PIN4: variants seen among roughly 807,000 people sequenced by gnomAD.
PIN4 encodes the protein peptidyl-prolyl cis-trans isomerase NIMA-interacting 4.
In PIN4, 3 loss-of-function variants were observed where a neutral mutation model predicts 8.3. That is an observed-to-expected ratio of 0.36 (90% CI 0.16 to 0.93). The LOEUF (loss-of-function observed/expected upper bound fraction) is 0.93. PIN4 is among the 40% of genes least tolerant of loss of function. The pLI, the probability that PIN4 is intolerant of heterozygous loss-of-function variation, is 0.44. For missense variants in PIN4, 75 were observed against 100.6 expected, an observed-to-expected ratio of 0.75 and a Z score of 1.09; for synonymous variants, 18 against 32.5, an observed-to-expected ratio of 0.55 and a Z score of 1.52.
chrX:72,246,535 T>C (rs1425986673), intron 3 of PIN4, among the ~76,000 whole-genome samples: 4 of 111,780 alleles, frequency 3.6e-5, no homozygotes, highest in Non-Finnish European at 7.5e-5. Context: ...AAGTCCTGCC[T>C]CCTTACCATG....
In PIN4 at chrX:72,197,761, A is replaced by G; in HGVS notation, c.*235A>G. The G allele has an allele frequency of 1.1e-6, 1 of 914,704 alleles. No homozygotes were observed. The highest frequency in any genetic ancestry group is 1.4e-6 in the Non-Finnish European group (1 of 737,525). The allele number at this position is 914,704 out of a possible 1,213,427, so 75.4% of individuals were successfully genotyped here. Reference sequence around the variant, plus strand: ...GTCAGTCTTTCTCAAAGAGAAGTCAAGCAGACTCCCTTTAACCTGTATTCT... The same window carrying G: ...GTCAGTCTTTCTCAAAGAGAAGTCAGGCAGACTCCCTTTAACCTGTATTCT... On this transcript the variant is annotated 3_prime_UTR_variant, in exon 4 of 4. Transcript: ENST00000373669.
At chrX:72,251,232 G>A (rs113866612) in intron 3 of PIN4, among the ~76,000 whole-genome samples, 48,812 of 104,299 alleles carry the variant, frequency 0.47, 12,051 homozygotes, top group East Asian at 0.98. Flanking sequence ...GCGTGGTGGC[G>A]GGCGCCTGTA....
rs868253824 is a variant in PIN4 at position 72,224,479 on chromosome X, G to T, written c.312+27575G>T. On this transcript the variant is annotated intron_variant, in intron 3 of 3. Transcript: ENST00000423432. The stretch of plus-strand genomic sequence containing the variant: ...AATAGACTTAAAACCCAAATTCCTG[G>T]CTCACGCCTGTAATCACAGCACTTT... Among the ~76,000 whole-genome samples the T allele has an allele frequency of 2.7e-4, 30 of 111,499 alleles. 1 individual carries two copies. The Middle Eastern group carries it at 0.014, about 52-fold the overall frequency.
chrX:72,188,230 C>G (rs1327316716), intron 2 of PIN4, among the ~76,000 whole-genome samples: 1 of 112,685 alleles, frequency 8.9e-6, no homozygotes, highest in Non-Finnish European at 1.9e-5. Context: ...ACATGCTGGT[C>G]TCCCATATGA....
At chrX:72,232,765 G>A (rs186651377) in intron 3 of PIN4, among the ~76,000 whole-genome samples, 41 of 111,648 alleles carry the variant, frequency 3.7e-4, no homozygotes, top group Non-Finnish European at 6.6e-4. Flanking sequence ...AGCTGAGATC[G>A]CGTCATTGTA....
At chrX:72,183,217 T>C (rs1188883731) in intron 1 of PIN4, among the ~76,000 whole-genome samples, 1 of 111,266 alleles carries the variant, frequency 9.0e-6, no homozygotes, top group Non-Finnish European at 1.9e-5. Context: ...GATTGATGAA[T>C]TCACTTTCAG....
intron 3 of PIN4, among the ~76,000 whole-genome samples, chrX:72,226,568 A>G (rs2042955073): frequency 1.8e-5 from 2 of 112,159 alleles, no homozygotes; most frequent in Admixed American, 1.9e-4. Flanking sequence ...TGGAAAACTC[A>G]TCACTTACTA....
chrX:72,245,114 G>C (rs1356500941), intron 3 of PIN4, among the ~76,000 whole-genome samples: 2 of 104,104 alleles, frequency 1.9e-5, no homozygotes, highest in Non-Finnish European at 3.9e-5. Context: ...GCCGAGAGTG[G>C]GTTTGGGGCA....
intron 3 of PIN4, chrX:72,238,822 C>T (rs1336208464): frequency 6.8e-6 from 8 of 1,174,583 alleles, no homozygotes; most frequent in South Asian, 1.9e-5. Context: ...TTAGCTAGAC[C>T]CGCCCAGCGG....
intron 2 of PIN4, among the ~76,000 whole-genome samples, chrX:72,191,629 T>G (rs59547163): frequency 9.0e-6 from 1 of 111,567 alleles, no homozygotes; most frequent in Non-Finnish European, 1.9e-5. Context: ...AACACTCATC[T>G]AGTCTCACAG....
At position 72,248,042 on chromosome X, in the gene PIN4, C is replaced by T. The variant is rs768655507; in HGVS notation, c.313-14665C>T. ...GCTAATTTATGCCAGGAACTTTCCC[C>T]ACAACAAACAAGATGTTCTCTTGTA... On this transcript the variant is annotated intron_variant, in intron 3 of 3. Coordinates refer to the PIN4 transcript ENST00000423432. 4.5e-5 allele frequency among the ~76,000 whole-genome samples: 5 copies of T among 110,736 alleles called. No individual in the cohort carries two copies. The South Asian group carries it at 1.9e-3, about 43-fold the overall frequency.
chrX:72,202,004 G>A (rs2042791853), downstream of PIN4, among the ~76,000 whole-genome samples: 2 of 112,833 alleles, frequency 1.8e-5, no homozygotes, highest in Non-Finnish European at 3.7e-5. Flanking sequence ...TATACCCTGT[G>A]TAAATGGAAA....
intron 3 of PIN4, among the ~76,000 whole-genome samples, chrX:72,258,417 C>T (rs377025188): frequency 8.9e-6 from 1 of 112,391 alleles, no homozygotes; most frequent in African/African-American, 3.2e-5. Context: ...CACAGCCACA[C>T]GCACACTGAT....
intron 3 of PIN4, among the ~76,000 whole-genome samples, chrX:72,234,765 G>A (rs1453311393): frequency 1.8e-5 from 2 of 111,337 alleles, no homozygotes. Flanking sequence ...CTGGGAAGTA[G>A]GTTGATATGG....
chrX:72,182,029 G>T, intron 1 of PIN4: 1 of 442,965 alleles, frequency 2.3e-6, no homozygotes, highest in Non-Finnish European at 4.1e-6. Context: ...GATGGGGATA[G>T]TTCCTCGGAG....
chrX:72,219,729 A>C (rs1018137056), intron 3 of PIN4, among the ~76,000 whole-genome samples: 2 of 108,899 alleles, frequency 1.8e-5, no homozygotes, highest in Non-Finnish European at 3.8e-5. Flanking sequence ...CACGCCTGTC[A>C]TCCCAGCTAC....
intron 3 of PIN4, among the ~76,000 whole-genome samples, chrX:72,244,887 C>T (rs2043061707): frequency 9.4e-6 from 1 of 106,742 alleles, no homozygotes; most frequent in Admixed American, 1.0e-4. Context: ...TTGAGACCAG[C>T]CTGGGCAACA....
intron 3 of PIN4, chrX:72,262,625 A>C: frequency 5.6e-4 from 284 of 506,032 alleles, no homozygotes; most frequent in Non-Finnish European, 7.2e-4. Flanking sequence ...CATGCAGACA[A>C]GGGCCCTCCT....
At chrX:72,191,531 A>G (rs1366513192) in intron 2 of PIN4, among the ~76,000 whole-genome samples, 2 of 102,971 alleles carry the variant, frequency 1.9e-5, no homozygotes, top group Admixed American at 2.1e-4. Flanking sequence ...AGCCTGGGCG[A>G]CAGAGTGAGA....
Sources: allele counts gnomAD v4.1 joint callset (sites outside exome capture counted in the v4.1 genomes callset), GRCh38; gene constraint gnomAD v4.1.1; transcripts MANE v1.5; gene names NCBI Gene and HGNC (gene_info 2026-07-23, HGNC 2026-07-21).